MID1: variants seen among roughly 807,000 people sequenced by gnomAD.
MID1 encodes midline 1.
Under a neutral mutation model 40.4 loss-of-function variants are expected in MID1, and 7 were observed. The observed-to-expected ratio is 0.17, with a 90% CI of 0.10 to 0.33. The LOEUF is 0.33. Ranked by LOEUF, MID1 falls within the 10% of genes least tolerant of loss-of-function variation. The probability of loss-of-function intolerance (pLI) is 1.00; values close to 1 mark genes in which losing one functional copy is unlikely to be tolerated. For synonymous variants in MID1, 229 were observed against 221.2 expected (o/e 1.04, Z -0.31); for missense variants, 367 against 558.5 (o/e 0.66, Z 3.46).
At chrX:10,564,267 C>T (rs1934442675) in intron 2 of MID1, among the ~76,000 whole-genome samples, 1 of 111,891 alleles carries the variant, frequency 8.9e-6, no homozygotes, top group Non-Finnish European at 1.9e-5. Context: ...TATGCTATTA[C>T]TTCCTTCAAA....
chrX:10,763,030 G>A (rs73484919), intron 1 of MID1, among the ~76,000 whole-genome samples: 6,651 of 110,650 alleles, frequency 0.06, 510 homozygotes, highest in African/African-American at 0.21. Flanking sequence ...CAGATAGTAC[G>A]TATTTTCCGC....
chrX:10,809,832 G>T (rs2044083080), intron 1 of MID1, among the ~76,000 whole-genome samples: 1 of 110,080 alleles, frequency 9.1e-6, no homozygotes, highest in Non-Finnish European at 1.9e-5. Flanking sequence ...ATGTTAATGG[G>T]TGCAGCACAC....
chrX:10,779,805 G>A (rs1318778943), intron 1 of MID1, among the ~76,000 whole-genome samples: 1 of 111,274 alleles, frequency 9.0e-6, no homozygotes, highest in Non-Finnish European at 1.9e-5. Flanking sequence ...AGAGGTATAT[G>A]AGTACTTGCT....
intron 1 of MID1, among the ~76,000 whole-genome samples, chrX:10,807,948 A>G (rs953300353): frequency 2.7e-5 from 3 of 112,399 alleles, no homozygotes; most frequent in Non-Finnish European, 5.6e-5. Flanking sequence ...CATTCAGCAC[A>G]TTGGACACTT....
At position 10,461,138 on chromosome X, in the gene MID1, T is replaced by TACACACACACACACACACAC. The variant is rs200040870; in HGVS notation, c.1286-1351_1286-1332dup. 4.6e-3 allele frequency among the ~76,000 whole-genome samples: 449 copies of TACACACACACACACACACAC among 96,748 alleles called. 4 individuals carry two copies. The highest frequency in any genetic ancestry group is 8.1e-3 in the African/African-American group (208 of 25,559). The allele number at this position is 96,748 out of a possible 115,157, so 84.0% of individuals were successfully genotyped here. ...TATATCATCTAAAGATATCTAAAGA[T>TACACACACACACACACACAC]ACACACACACACACACACACACACA... On this transcript the variant is annotated intron_variant, in intron 7 of 9. Transcript: ENST00000317552.
At chrX:10,750,677 T>A (rs898644713) in intron 1 of MID1, among the ~76,000 whole-genome samples, 2 of 109,476 alleles carry the variant, frequency 1.8e-5, no homozygotes, top group Non-Finnish European at 3.8e-5. Context: ...TAAAATAAAT[T>A]CCCGGCCATC....
At chrX:10,764,299 C>T (rs187907199) in intron 1 of MID1, among the ~76,000 whole-genome samples, 15 of 111,419 alleles carry the variant, frequency 1.3e-4, no homozygotes, top group African/African-American at 2.6e-4. Context: ...TATGGTTTTA[C>T]GTCTTACATT....
chrX:10,592,275 A>T (rs12847371), intron 1 of MID1, among the ~76,000 whole-genome samples: 7 of 625 alleles, frequency 0.011, no homozygotes, highest in African/African-American at 0.022. Context: ...GGACTGCGTT[A>T]AAAAAAAAAA....
chrX:10,556,876 T>C (rs1159527109), intron 2 of MID1, among the ~76,000 whole-genome samples: 1 of 112,232 alleles, frequency 8.9e-6, no homozygotes, highest in Non-Finnish European at 1.9e-5. Flanking sequence ...ATACTGAAAA[T>C]AAATTAAATC....
intron 1 of MID1, among the ~76,000 whole-genome samples, chrX:10,605,999 T>G (rs1269021232): frequency 1.8e-5 from 2 of 111,772 alleles, no homozygotes; most frequent in Non-Finnish European, 3.8e-5. Context: ...CTCAATGGCG[T>G]ATTTTACTGT....
chrX:10,789,187 T>C (rs1187008654), intron 1 of MID1, among the ~76,000 whole-genome samples: 1 of 109,083 alleles, frequency 9.2e-6, no homozygotes, highest in East Asian at 3.1e-4. Context: ...ACCAAGACCC[T>C]GTATAAATAA....
At chrX:10,659,089 C>T (rs992577726) in intron 1 of MID1, among the ~76,000 whole-genome samples, 1 of 111,810 alleles carries the variant, frequency 8.9e-6, no homozygotes, top group African/African-American at 3.3e-5. Flanking sequence ...ATCAATGTAG[C>T]AATGTAGCCA....
At chrX:10,714,298 C>G (rs1276551548) in intron 1 of MID1, among the ~76,000 whole-genome samples, 1 of 112,597 alleles carries the variant, frequency 8.9e-6, no homozygotes, top group Non-Finnish European at 1.9e-5. Context: ...GCCAGCAGCC[C>G]AGGCCCCTGC....
chrX:10,756,698 C>A (rs2043634927), intron 1 of MID1, among the ~76,000 whole-genome samples: 1 of 111,947 alleles, frequency 8.9e-6, no homozygotes. Context: ...ACACTTGTGG[C>A]AATGTACTCT....
At chrX:10,651,301 C>A (rs898357910) in intron 1 of MID1, among the ~76,000 whole-genome samples, 11 of 111,682 alleles carry the variant, frequency 9.8e-5, no homozygotes, top group Admixed American at 5.7e-4. Context: ...AGGCACATGG[C>A]CCCACTTAGA....
intron 1 of MID1, among the ~76,000 whole-genome samples, chrX:10,743,039 T>G (rs746702053): frequency 6.2e-5 from 7 of 112,824 alleles, no homozygotes; most frequent in Non-Finnish European, 1.1e-4. Flanking sequence ...TACTTGAAAT[T>G]AAAAGCTCAT....
At chrX:10,604,366 T>C (rs1286216138) in intron 1 of MID1, among the ~76,000 whole-genome samples, 2 of 111,806 alleles carry the variant, frequency 1.8e-5, no homozygotes, top group African/African-American at 6.5e-5. Context: ...GTATGTACTT[T>C]TTACAAGAAA....
chrX:10,807,684 G>C (rs767645404), intron 1 of MID1, among the ~76,000 whole-genome samples: 2 of 112,299 alleles, frequency 1.8e-5, no homozygotes, highest in Non-Finnish European at 3.8e-5. Context: ...GAATCTCTAT[G>C]ACTTCCCCTT....
chrX:10,727,846 G>A (rs2043405808), intron 1 of MID1, among the ~76,000 whole-genome samples: 1 of 112,129 alleles, frequency 8.9e-6, no homozygotes. Context: ...CCTGGGAAAT[G>A]TGCAGCTTGC....
Sources: gnomAD v4.1 joint callset for allele counts (sites outside exome capture counted in the v4.1 genomes callset) on GRCh38, gnomAD v4.1.1 for gene constraint, MANE v1.5 for transcripts, NCBI Gene and HGNC (gene_info 2026-07-23, HGNC 2026-07-21) for gene names.